Variants in GALNT17 observed in about 807,000 individuals in gnomAD.
GALNT17 encodes the protein polypeptide N-acetylgalactosaminyltransferase 17.
GALNT17 carries 29 observed loss-of-function variants against 63.7 expected under a neutral mutation model. The observed-to-expected ratio is 0.46, with a 90% CI of 0.34 to 0.62. The LOEUF (loss-of-function observed/expected upper bound fraction) is 0.62. GALNT17 is among the 20% of genes least tolerant of loss of function. The pLI, the probability that GALNT17 is intolerant of heterozygous loss-of-function variation, is 0.01. For synonymous variants in GALNT17, 305 were observed against 318.3 expected, an observed-to-expected ratio of 0.96 and a Z score of 0.45; for missense variants, 603 against 799.6, an observed-to-expected ratio of 0.75 and a Z score of 2.97.
intron 5 of GALNT17, among the ~76,000 whole-genome samples, chr7:71,539,706 C>CCTTTT: frequency 1.7e-5 from 1 of 57,612 alleles, no homozygotes. Flanking sequence ...TTTAGTCCCA[C>CCTTTT]CTTTTTTTTT....
At chr7:71,706,594 T>C (rs1397353643) in intron 9 of GALNT17, among the ~76,000 whole-genome samples, 1 of 152,124 alleles carries the variant, frequency 6.6e-6, no homozygotes, top group Non-Finnish European at 1.5e-5. Context: ...GCAGACATTG[T>C]TTAGGGACGG....
At chr7:71,412,862 G>A (rs1211581566) in intron 3 of GALNT17, among the ~76,000 whole-genome samples, 3 of 152,098 alleles carry the variant, frequency 2.0e-5, no homozygotes, top group Non-Finnish European at 2.9e-5. Context: ...GGCCAACATA[G>A]CAAAATTCTG....
intron 6 of GALNT17, among the ~76,000 whole-genome samples, chr7:71,607,398 G>A (rs984070704): frequency 1.4e-4 from 22 of 152,240 alleles, no homozygotes; most frequent in Admixed American, 4.6e-4. Context: ...CAATAAAGTC[G>A]TAAGAGTTTA....
intron 5 of GALNT17, among the ~76,000 whole-genome samples, chr7:71,553,801 A>C (rs7799605): frequency 0.31 from 47,710 of 152,154 alleles, 7,646 homozygotes; most frequent in Admixed American, 0.34. Flanking sequence ...CATCTCTTTC[A>C]GGACAATTGC....
intron 1 of GALNT17, among the ~76,000 whole-genome samples, chr7:71,185,522 CTTTTTTT>C (rs747181057): frequency 4.0e-5 from 5 of 124,640 alleles, no homozygotes; most frequent in Non-Finnish European, 6.6e-5. Context: ...CGTTTCTTTT[CTTTTTTT>C]TTTTTTTTTT....
At chr7:71,635,346 C>T (rs1790514006) in intron 6 of GALNT17, among the ~76,000 whole-genome samples, 1 of 152,070 alleles carries the variant, frequency 6.6e-6, no homozygotes, top group Admixed American at 6.6e-5. Flanking sequence ...GACTTAAAGT[C>T]TGTATTGATG....
intron 1 of GALNT17, among the ~76,000 whole-genome samples, chr7:71,205,215 G>A (rs1161386166): frequency 1.4e-5 from 2 of 141,836 alleles, no homozygotes; most frequent in Non-Finnish European, 3.0e-5. Flanking sequence ...GTGCAGTGGC[G>A]TGATCTTTGC....
intron 1 of GALNT17, among the ~76,000 whole-genome samples, chr7:71,302,024 G>GGAAT (rs1791208325): frequency 2.0e-5 from 3 of 152,308 alleles, no homozygotes; most frequent in African/African-American, 7.2e-5. Context: ...GCCATAAAAA[G>GGAAT]GAATGAGATC....
chr7:71,382,234 G>C (rs10281457), intron 2 of GALNT17, among the ~76,000 whole-genome samples: 1 of 152,088 alleles, frequency 6.6e-6, no homozygotes, highest in South Asian at 2.1e-4. Context: ...AGAAAAATTA[G>C]CCGGGTGTGG....
intron 2 of GALNT17, among the ~76,000 whole-genome samples, chr7:71,339,549 G>A (rs1791971760): frequency 6.6e-6 from 1 of 152,128 alleles, no homozygotes; most frequent in African/African-American, 2.4e-5. Flanking sequence ...AAGAAGCGGG[G>A]CATGGTGGTG....
chr7:71,710,481 C>T (rs2115567132), intron 9 of GALNT17, among the ~76,000 whole-genome samples: 1 of 152,254 alleles, frequency 6.6e-6, no homozygotes, highest in East Asian at 1.9e-4. Flanking sequence ...GCACTCCAGA[C>T]AGGACAACAG....
intron 1 of GALNT17, among the ~76,000 whole-genome samples, chr7:71,209,472 T>C (rs566958694): frequency 6.6e-6 from 1 of 152,316 alleles, no homozygotes; most frequent in East Asian, 1.9e-4. Context: ...ATTTTAGTTA[T>C]GTAATAGTGG....
intron 9 of GALNT17, among the ~76,000 whole-genome samples, chr7:71,684,446 G>A (rs937742711): frequency 3.3e-5 from 5 of 152,144 alleles, no homozygotes; most frequent in African/African-American, 9.7e-5. Flanking sequence ...CAGCTGACCC[G>A]CAGCCCAGGG....
chr7:71,308,461 A>T (rs1228381902), intron 1 of GALNT17, among the ~76,000 whole-genome samples: 1 of 152,102 alleles, frequency 6.6e-6, no homozygotes, highest in East Asian at 1.9e-4. Context: ...GAGGGAATGA[A>T]TAGGATTTTT....
intron 1 of GALNT17, among the ~76,000 whole-genome samples, chr7:71,324,453 C>G (rs1791669259): frequency 6.6e-6 from 1 of 152,166 alleles, no homozygotes; most frequent in Admixed American, 6.5e-5. Context: ...GAGTTCAACA[C>G]TAGCCTGAGC....
intron 5 of GALNT17, among the ~76,000 whole-genome samples, chr7:71,459,940 C>G (rs1046007211): frequency 1.3e-5 from 2 of 152,184 alleles, no homozygotes; most frequent in Admixed American, 6.5e-5. Flanking sequence ...ACACACTCAA[C>G]CAGTTGTCAA....
intron 5 of GALNT17, among the ~76,000 whole-genome samples, chr7:71,478,208 T>C (rs1428413648): frequency 6.6e-6 from 1 of 152,164 alleles, no homozygotes; most frequent in Non-Finnish European, 1.5e-5. Context: ...ACACTGGCTG[T>C]GGGAACATTT....
chr7:71,560,317 C>A (rs1294054507), intron 5 of GALNT17, among the ~76,000 whole-genome samples: 1 of 152,084 alleles, frequency 6.6e-6, no homozygotes, highest in African/African-American at 2.4e-5. Flanking sequence ...CATTCTCCTC[C>A]TCCTTCCCTG....
chr7:71,289,125 T>C (rs966132410), intron 1 of GALNT17, among the ~76,000 whole-genome samples: 1 of 152,016 alleles, frequency 6.6e-6, no homozygotes, highest in African/African-American at 2.4e-5. Flanking sequence ...CCCCAAAACT[T>C]ATTTACAAAT....
Sources: allele counts gnomAD v4.1 joint callset (sites outside exome capture counted in the v4.1 genomes callset), GRCh38; gene constraint gnomAD v4.1.1; transcripts MANE v1.5; gene names NCBI Gene and HGNC (gene_info 2026-07-23, HGNC 2026-07-21).